Variants in GALNT18 observed in about 807,000 individuals in gnomAD.
GALNT18 encodes the protein GalNAc-transferase 18.
In GALNT18, 44 loss-of-function variants were observed where a neutral mutation model predicts 69.5. The ratio of observed to expected loss-of-function variants is 0.63; its 90% CI spans 0.50 to 0.81. The LOEUF is 0.81. Ranked by LOEUF, GALNT18 falls within the 40% of genes least tolerant of loss-of-function variation. The pLI is 0.00. For missense variants in GALNT18, 715 were observed against 810.0 expected, an observed-to-expected ratio of 0.88 and a Z score of 1.42; for synonymous variants, 364 against 318.2, an observed-to-expected ratio of 1.14 and a Z score of -1.53.
chr11:11,272,362 G>A (rs1361713072), intron 10 of GALNT18, among the ~76,000 whole-genome samples: 2 of 152,092 alleles, frequency 1.3e-5, no homozygotes, highest in African/African-American at 4.8e-5. Flanking sequence ...CTCTCACTGG[G>A]ACAACTGTGT....
rs139302475 is a variant in GALNT18, at chr11:11,388,694, A to T, written c.596-9430T>A. Among the ~76,000 whole-genome samples, 890 of 152,190 alleles carry T rather than the reference A, an allele frequency of 5.8e-3. 4 individuals are homozygous for T. The highest frequency in any genetic ancestry group is 0.011 in the South Asian group (51 of 4,826). ...CAGCCCCAGCGCTGGTCTAACGCCC[A>T]GGGCTGGTCTAACGCTCTGTGACCC... On this transcript the variant is annotated intron_variant, in intron 3 of 10. Coordinates refer to ENST00000227756, the MANE Select transcript of GALNT18 (RefSeq NM_198516.3).
At chr11:11,336,989 G>A (rs1298780203) in intron 7 of GALNT18, among the ~76,000 whole-genome samples, 1 of 152,100 alleles carries the variant, frequency 6.6e-6, no homozygotes, top group Non-Finnish European at 1.5e-5. Flanking sequence ...CAGTCAAAGA[G>A]GGCTTCCTGG....
intron 1 of GALNT18, among the ~76,000 whole-genome samples, chr11:11,473,452 T>C (rs1016354439): frequency 1.3e-5 from 2 of 152,210 alleles, no homozygotes; most frequent in South Asian, 2.1e-4. Context: ...AGTTATTCAA[T>C]AGAGATGCAA....
rs1459909844 is a variant in GALNT18 at position 11,533,006 on chromosome 11, G to A, written c.236-84070C>T. Among the ~76,000 whole-genome samples the A allele has an allele frequency of 2.6e-5, 4 of 152,154 alleles. No individual in the cohort carries two copies. In the East Asian group the frequency reaches 7.7e-4, roughly 29 times the overall value. On this transcript the variant is annotated intron_variant, in intron 1 of 10. Coordinates refer to ENST00000227756, the MANE Select transcript of GALNT18 (RefSeq NM_198516.3). ...TGGAAGGTCAGATGGCTCAAAGTTTGAGACCTGTTCAGAGCTCAAAGTGGG... is the reference window on the plus strand; with the variant it reads ...TGGAAGGTCAGATGGCTCAAAGTTTAAGACCTGTTCAGAGCTCAAAGTGGG...
intron 1 of GALNT18, among the ~76,000 whole-genome samples, chr11:11,506,030 G>A (rs918365497): frequency 6.6e-6 from 1 of 152,212 alleles, no homozygotes; most frequent in Non-Finnish European, 1.5e-5. Context: ...TCACCCTGCA[G>A]CAACTTGTAA....
At chr11:11,551,816 T>G (rs1858199047) in intron 1 of GALNT18, among the ~76,000 whole-genome samples, 1 of 152,104 alleles carries the variant, frequency 6.6e-6, no homozygotes, top group Non-Finnish European at 1.5e-5. Flanking sequence ...TTATCATTAG[T>G]TCTTATAGGT....
At chr11:11,297,236 C>G (rs1849417599) in intron 9 of GALNT18, among the ~76,000 whole-genome samples, 1 of 152,094 alleles carries the variant, frequency 6.6e-6, no homozygotes, top group African/African-American at 2.4e-5. Flanking sequence ...TGTTGAGATA[C>G]CCCAACTTAA....
Position 11,470,161 on chromosome 11 carries a change from C to G in GALNT18, c.236-21225G>C, listed in dbSNP as rs183467178. Among the ~76,000 whole-genome samples the G allele has an allele frequency of 1.4e-4, 22 of 152,312 alleles. No homozygotes were observed. The East Asian group carries it at 4.2e-3, about 29-fold the overall frequency. On this transcript the variant is annotated intron_variant, in intron 1 of 10. Transcript: ENST00000227756. The surrounding 1 kb of genome is among the most constrained non-coding windows in gnomAD (Gnocchi z 4.8). ...TTCCCTGCCTTGAGAAGTCTCACAG[C>G]CAGCCCCCATCCATGCTTGACCACA... is the stretch of plus-strand genomic sequence containing the variant.
intron 1 of GALNT18, among the ~76,000 whole-genome samples, chr11:11,580,108 G>A (rs1324910863): frequency 2.0e-5 from 3 of 152,208 alleles, no homozygotes; most frequent in Non-Finnish European, 4.4e-5. Flanking sequence ...ATATCTCTGT[G>A]AAACAGACTC....
intron 1 of GALNT18, among the ~76,000 whole-genome samples, chr11:11,581,050 A>T (rs1392643779): frequency 1.3e-5 from 2 of 152,216 alleles, no homozygotes; most frequent in Non-Finnish European, 2.9e-5. Context: ...GTTGATAAGG[A>T]CAATTTATGT....
intron 9 of GALNT18, among the ~76,000 whole-genome samples, chr11:11,321,500 T>G (rs993284167): frequency 1.3e-5 from 2 of 152,238 alleles, no homozygotes; most frequent in Non-Finnish European, 2.9e-5. Context: ...GACAAACCCT[T>G]GAACTCAGGC....
rs75643887 is a variant in GALNT18, at chr11:11,587,911, T to C, written c.235+33448A>G. On this transcript the variant is annotated intron_variant, in intron 1 of 10. Transcript: ENST00000227756. This position sits in a 1 kb window ranked among gnomAD's most constrained non-coding sequence, Gnocchi z 4.4. ...GAGGCAGGGGGAGAAAGGAAGCCTT[T>C]CTACTAATTCACTAAGAGTGGCATG... Among the ~76,000 whole-genome samples, 4,801 of 152,188 alleles carry C rather than the reference T, an allele frequency of 0.032. 231 individuals are homozygous for C. Among genetic ancestry groups the C allele is most frequent in the African/African-American group, 0.11 (4,529 of 41,490 alleles).
At chr11:11,457,817 G>T (rs1476974499) in intron 1 of GALNT18, among the ~76,000 whole-genome samples, 2 of 152,136 alleles carry the variant, frequency 1.3e-5, no homozygotes, top group Admixed American at 1.3e-4. Context: ...GGCTTTGAGG[G>T]TGGGTGGGGA....
At chr11:11,472,345 T>A (rs1564966327) in intron 1 of GALNT18, among the ~76,000 whole-genome samples, 1 of 152,196 alleles carries the variant, frequency 6.6e-6, no homozygotes, top group African/African-American at 2.4e-5. Flanking sequence ...GCAGGGACAG[T>A]CATTTCCTCA....
intron 10 of GALNT18, among the ~76,000 whole-genome samples, chr11:11,274,383 C>T (rs1252578424): frequency 6.6e-6 from 1 of 152,124 alleles, no homozygotes. Flanking sequence ...GCCAGGGAGC[C>T]AAGTGGTCTG....
At chr11:11,411,654 A>T (rs891020827) in intron 3 of GALNT18, among the ~76,000 whole-genome samples, 3 of 152,224 alleles carry the variant, frequency 2.0e-5, no homozygotes, top group Non-Finnish European at 4.4e-5. Flanking sequence ...GGCATGGGAC[A>T]ATATTAGAGA....
chr11:11,420,793 G>A (rs1854986365), intron 3 of GALNT18, among the ~76,000 whole-genome samples: 1 of 152,162 alleles, frequency 6.6e-6, no homozygotes, highest in African/African-American at 2.4e-5. Context: ...TGATCCCAGT[G>A]GCTGGCAACA....
At position 11,430,269 on chromosome 11, in the gene GALNT18, C is replaced by T. The variant is rs749136092; in HGVS notation, c.595+2352G>A. Among the ~76,000 whole-genome samples, 1 of 152,190 alleles carries T rather than the reference C, an allele frequency of 6.6e-6. No individual in the cohort carries two copies. Among genetic ancestry groups the T allele is most frequent in the Non-Finnish European group, 1.5e-5 (1 of 68,034 alleles). On this transcript the variant is annotated intron_variant, in intron 3 of 10. Transcript: ENST00000227756. This position sits in a 1 kb window ranked among gnomAD's most constrained non-coding sequence, Gnocchi z 4.9. Reference sequence around the variant, plus strand: ...ATATTTTGAAGTAATTATAGATTCACAAAAGTGTACAAGAAGGTTTCATAT... The same window carrying T: ...ATATTTTGAAGTAATTATAGATTCATAAAAGTGTACAAGAAGGTTTCATAT...
intron 6 of GALNT18, chr11:11,353,399 T>C: frequency 1.8e-6 from 1 of 543,490 alleles, no homozygotes; most frequent in South Asian, 2.4e-5. Flanking sequence ...ACTCAGCATA[T>C]TCAGAGCCCT....
Sources: gnomAD v4.1 joint callset for allele counts (sites outside exome capture counted in the v4.1 genomes callset) on GRCh38, gnomAD v4.1.1 for gene constraint, Gnocchi (gnomAD v3.1) non-coding constraint, MANE v1.5 for transcripts, NCBI Gene and HGNC (gene_info 2026-07-23, HGNC 2026-07-21) for gene names.